FGD6: variants seen among roughly 807,000 people sequenced by gnomAD.
FGD6 encodes the protein FYVE, RhoGEF and PH domain-containing protein 6.
Under a neutral mutation model 149.4 loss-of-function variants are expected in FGD6, and 90 were observed. The ratio of observed to expected loss-of-function variants is 0.60; its 90% CI spans 0.51 to 0.72. The LOEUF (loss-of-function observed/expected upper bound fraction) is 0.72, where lower values mean the gene tolerates loss of function less well. Among genes scored for constraint, FGD6 ranks in the 30% least tolerant of loss-of-function variants. FGD6 has a pLI of 0.00. For synonymous variants in FGD6, 527 were observed against 584.0 expected (o/e 0.90, Z 1.41); for missense variants, 1,437 against 1,684.8 (o/e 0.85, Z 2.57).
At chr12:95,114,348 G>A (rs1878935396) in intron 8 of FGD6, among the ~76,000 whole-genome samples, 1 of 151,752 alleles carries the variant, frequency 6.6e-6, no homozygotes, top group Non-Finnish European at 1.5e-5. Flanking sequence ...GCTGATGCCT[G>A]TAATCCTAGC....
intron 8 of FGD6, chr12:95,126,484 C>T (rs535812786): frequency 4.6e-4 from 281 of 610,068 alleles, no homozygotes; most frequent in Non-Finnish European, 6.0e-4. Flanking sequence ...ATCCCAGTAC[C>T]GTGGGAGGCT....
At chr12:95,149,682 C>G (rs982100711) in intron 5 of FGD6, among the ~76,000 whole-genome samples, 1 of 143,934 alleles carries the variant, frequency 6.9e-6, no homozygotes, top group Non-Finnish European at 1.5e-5. Context: ...TATTTTGTCA[C>G]CCTAACAAAT....
chr12:95,157,124 G>C (rs928800216), intron 3 of FGD6, among the ~76,000 whole-genome samples: 1 of 152,074 alleles, frequency 6.6e-6, no homozygotes, highest in Non-Finnish European at 1.5e-5. Context: ...GAAACAAATT[G>C]TTAAATTATG....
intron 17 of FGD6, 136 bp from the exon 18 acceptor site, chr12:95,089,832 G>C: frequency 9.0e-7 from 1 of 1,116,280 alleles, no homozygotes; most frequent in Non-Finnish European, 1.3e-6. Flanking sequence ...TCCTGGAAAA[G>C]GACAATGGAT....
chr12:95,185,352 C>T (rs970260510), intron 2 of FGD6, among the ~76,000 whole-genome samples: 24 of 152,026 alleles, frequency 1.6e-4, no homozygotes, highest in African/African-American at 4.6e-4. Context: ...TGAAAATAAA[C>T]GTGTATTCAA....
chr12:95,106,991 T>C lies in FGD6; in HGVS notation c.3380A>G (p.Tyr1127Cys), dbSNP rs762135031. Residue 1127 changes from tyrosine (Y) to cysteine (C), a missense_variant, in exon 13 of 21, where the codon TAT becomes TGT. Tyr to Cys is a radical substitution (Grantham distance 194, BLOSUM62 -2). Coordinates refer to ENST00000343958, the MANE Select transcript of FGD6 (RefSeq NM_018351.4). ...LYTTPVQSGM[Y>C]KLNNMLSLAG... ...CAGTGAGAGCATGTTGTTCAGTTTA[T>C]ACATCCCAGACTGCACTGGTGTTGT... 7.4e-6 allele frequency: 12 copies of C among 1,613,814 alleles called. No homozygotes were observed. In the South Asian group the frequency reaches 7.7e-5, roughly 10 times the overall value.
intron 14 of FGD6, among the ~76,000 whole-genome samples, chr12:95,099,180 C>T (rs941938018): frequency 1.1e-4 from 16 of 152,216 alleles, no homozygotes; most frequent in African/African-American, 3.1e-4. Flanking sequence ...CCTGACTTGA[C>T]CCTTTTAATT....
intron 2 of FGD6, among the ~76,000 whole-genome samples, chr12:95,192,484 C>T (rs756676583): frequency 2.2e-4 from 34 of 152,166 alleles, no homozygotes; most frequent in Non-Finnish European, 4.7e-4. Context: ...AAATTCACTT[C>T]CTCATTCATT....
intron 8 of FGD6, among the ~76,000 whole-genome samples, chr12:95,132,710 C>G (rs1879559060): frequency 1.3e-5 from 2 of 152,206 alleles, no homozygotes; most frequent in Admixed American, 1.3e-4. Flanking sequence ...TGAGATTGCA[C>G]CACTGCACTC....
At chr12:95,121,450 CAA>C (rs1326575097) in intron 8 of FGD6, among the ~76,000 whole-genome samples, 1 of 105,648 alleles carries the variant, frequency 9.5e-6, no homozygotes, top group Non-Finnish European at 1.8e-5. Context: ...AATTCCGTCT[CAA>C]AAAAAAAAAA....
At chr12:95,206,698 GAAAAAAA>G (rs746280054) in intron 2 of FGD6, among the ~76,000 whole-genome samples, 3 of 114,806 alleles carry the variant, frequency 2.6e-5, no homozygotes, top group African/African-American at 3.1e-5. Context: ...TGTCTCCAAA[GAAAAAAA>G]AAAAAAAAAA....
At chr12:95,119,863 T>C (rs570656627) in intron 8 of FGD6, among the ~76,000 whole-genome samples, 3 of 152,266 alleles carry the variant, frequency 2.0e-5, no homozygotes, top group Non-Finnish European at 4.4e-5. Context: ...GAGGTTGCAG[T>C]GAGCCAAGAT....
chr12:95,129,765 C>G (rs1245406862), intron 8 of FGD6, among the ~76,000 whole-genome samples: 1 of 152,146 alleles, frequency 6.6e-6, no homozygotes, highest in African/African-American at 2.4e-5. Context: ...GTCCACCTCC[C>G]AGGTTCAAGT....
chr12:95,105,993 G>A (rs1878606132), intron 13 of FGD6, among the ~76,000 whole-genome samples: 1 of 152,094 alleles, frequency 6.6e-6, no homozygotes, highest in Non-Finnish European at 1.5e-5. Context: ...CTGGGTAACA[G>A]AGTGAGACTC....
At chr12:95,160,449 A>T (rs1158652658) in intron 3 of FGD6, among the ~76,000 whole-genome samples, 2 of 152,150 alleles carry the variant, frequency 1.3e-5, no homozygotes, top group Non-Finnish European at 2.9e-5. Flanking sequence ...GCCCCTACTC[A>T]TACGGTGTGA....
At position 95,187,169 on chromosome 12, in the gene FGD6, A is replaced by C. The variant is rs989927285; in HGVS notation, c.2442-14425T>G. ...ATACGGTGAAACCCCATCTCTACTA[A>C]AAATATAAAAAATTAGCTGGTCGTG... is the stretch of plus-strand genomic sequence containing the variant. On this transcript the variant is annotated intron_variant, in intron 2 of 20. Transcript: ENST00000343958. Among the ~76,000 whole-genome samples the C allele has an allele frequency of 3.3e-5, 5 of 150,368 alleles. No homozygotes were observed. The Admixed American group carries it at 3.3e-4, about 10-fold the overall frequency.
chr12:95,126,423 T>TA lies in FGD6; in HGVS notation c.3082+8315dup, dbSNP rs199763014. The TA allele has an allele frequency of 2.8e-3, 3,268 of 1,186,858 alleles. 56 individuals carry two copies. In the African/African-American group the frequency reaches 0.043, roughly 16 times the overall value. 73.5% of individuals were successfully genotyped at this position (1,186,858 alleles called of 1,614,324 possible). On this transcript the variant is annotated intron_variant, in intron 8 of 20. Coordinates refer to ENST00000343958, the MANE Select transcript of FGD6 (RefSeq NM_018351.4). ...AACTATAAAAACAATAAAGGTTCTT[T>TA]AAAAAAAACAAACAAAAAACAAAGG... is the stretch of plus-strand genomic sequence containing the variant.
intron 6 of FGD6, 97 bp downstream of exon 6, chr12:95,141,291 C>CA: frequency 8.1e-7 from 1 of 1,235,828 alleles, no homozygotes; most frequent in South Asian, 1.5e-5. Flanking sequence ...TCAAACAACT[C>CA]AATGTAATGA....
chr12:95,132,337 G>A (rs1292245293), intron 8 of FGD6, among the ~76,000 whole-genome samples: 1 of 152,136 alleles, frequency 6.6e-6, no homozygotes, highest in Admixed American at 6.5e-5. Context: ...AGTAAAGAGA[G>A]TTTTTTAAAA....
Sources: allele counts gnomAD v4.1 joint callset (sites outside exome capture counted in the v4.1 genomes callset), GRCh38; gene constraint gnomAD v4.1.1; transcripts MANE v1.5; gene names NCBI Gene and HGNC (gene_info 2026-07-23, HGNC 2026-07-21).